Variants in TMEM255B observed in about 807,000 individuals in gnomAD.
The protein encoded by TMEM255B is family with sequence similarity 70, member B.
Under a neutral mutation model 34.5 loss-of-function variants are expected in TMEM255B, and 35 were observed. That is an observed-to-expected ratio of 1.01 (90% CI 0.77 to 1.34). The LOEUF is 1.34. Among genes scored for constraint, TMEM255B ranks in the 40% most tolerant of loss-of-function variants. The pLI is 0.00. For missense variants in TMEM255B, 432 were observed against 433.2 expected (o/e 1.00, Z 0.02); for synonymous variants, 206 against 201.2 (o/e 1.02, Z -0.20).
chr13:113,800,124 G>T, intron 5 of TMEM255B: 1 of 1,144,144 alleles, frequency 8.7e-7, no homozygotes, highest in Non-Finnish European at 1.1e-6. Context: ...GGCGTCCCGT[G>T]TGTGTTTAGG....
intron 3 of TMEM255B, among the ~76,000 whole-genome samples, chr13:113,794,447 C>T (rs768779550): frequency 3.9e-5 from 6 of 152,050 alleles, no homozygotes; most frequent in Non-Finnish European, 8.8e-5. Context: ...CGGGACGGAA[C>T]CAAGCGAGAT....
chr13:113,779,966 G>A (rs2050642240), intron 3 of TMEM255B, among the ~76,000 whole-genome samples: 1 of 152,232 alleles, frequency 6.6e-6, no homozygotes, highest in Admixed American at 6.5e-5. Context: ...TTTGTATACA[G>A]TGCAGCAAGA....
At position 113,812,159 on chromosome 13, in the gene TMEM255B, GCCT is replaced by G; in HGVS notation, c.*264_*266del. 1 of 522,998 alleles carries G rather than the reference GCCT, an allele frequency of 1.9e-6. No individual in the cohort carries two copies. The highest frequency in any genetic ancestry group is 3.3e-6 in the Non-Finnish European group (1 of 299,942). The allele number at this position is 522,998 out of a possible 1,614,324, so 32.4% of individuals were successfully genotyped here. A position where few individuals can be genotyped will look rare whatever the true frequency, so the allele number is the denominator to read the frequency against. On this transcript the variant is annotated 3_prime_UTR_variant, in exon 9 of 9. Coordinates refer to ENST00000375353, the MANE Select transcript of TMEM255B (RefSeq NM_182614.4). ...AAATGGCGCTGAAAGTTCCCACCCG[GCCT>G]CCTCCTCTGAGAGCAATTGTTCTGG...
At chr13:113,804,644 CGGGCCGGGGTT>C (rs2051131436) in intron 7 of TMEM255B, among the ~76,000 whole-genome samples, 1 of 141,564 alleles carries the variant, frequency 7.1e-6, no homozygotes, top group Admixed American at 7.2e-5. Context: ...AAACGCACGC[CGGGCCGGGGTT>C]AGCTCCAGCC....
intron 4 of TMEM255B, among the ~76,000 whole-genome samples, chr13:113,799,105 G>A (rs933792961): frequency 6.6e-6 from 1 of 152,186 alleles, no homozygotes; most frequent in African/African-American, 2.4e-5. Flanking sequence ...TGCATGGCCC[G>A]AGGTACCCTC....
At chr13:113,772,357 AT>A (rs2050492550) in intron 3 of TMEM255B, among the ~76,000 whole-genome samples, 1 of 151,938 alleles carries the variant, frequency 6.6e-6, no homozygotes, top group Non-Finnish European at 1.5e-5. Context: ...ACTCTAATTT[AT>A]TTTTTCTTTT....
Position 113,811,757 on chromosome 13 carries a change from G to T in TMEM255B, c.835G>T (p.Ala279Ser), listed in dbSNP as rs746290366. Residue 279 changes from alanine (A) to serine (S), a missense_variant, in exon 9 of 9, where the codon GCG (alanine) becomes TCG (serine). Coordinates refer to ENST00000375353, the MANE Select transcript of TMEM255B (RefSeq NM_182614.4). ...GCAGCCCTGCAGCCGCTTCCCAGTT[G>T]CGCCCTCCTCTGCCCTGGCTTCGTC... The part of the protein sequence containing the change: ...PLQPCSRFPV[A>S]PSSALASSED... The T allele has an allele frequency of 5.6e-6, 9 of 1,613,748 alleles. No homozygotes were observed. In the South Asian group the frequency reaches 9.9e-5, roughly 18 times the overall value.
At chr13:113,782,754 G>A (rs149889614) in intron 3 of TMEM255B, among the ~76,000 whole-genome samples, 1,838 of 152,172 alleles carry the variant, frequency 0.012, 42 homozygotes, top group African/African-American at 0.041. Flanking sequence ...AGTGTCCCCA[G>A]AGACCACAGG....
At chr13:113,766,001 G>C in intron 1 of TMEM255B, 114 bp from the exon 2 acceptor site, 1 of 1,398,212 alleles carries the variant, frequency 7.2e-7, no homozygotes. Flanking sequence ...GGAGGCAGGC[G>C]GGGATAGTGC....
At position 113,814,056 on chromosome 13, in the gene TMEM255B, G is replaced by A. The variant is rs6602892; in HGVS notation, c.*2153G>A. 77,758 of 151,828 alleles carry A rather than the reference G, an allele frequency of 0.51. 21,674 individuals carry two copies. Among genetic ancestry groups the A allele is most frequent in the African/African-American group, 0.74 (30,761 of 41,410 alleles). 9.4% of individuals were successfully genotyped at this position (151,828 alleles called of 1,614,324 possible). On this transcript the variant is annotated 3_prime_UTR_variant, in exon 9 of 9. Coordinates refer to ENST00000375353, the MANE Select transcript of TMEM255B (RefSeq NM_182614.4). ...GTGCCACGGATTTCCCGAGTCCCCA[G>A]GGCTCTCACTTTACCTCAGGGAAGG... is the stretch of plus-strand genomic sequence containing the variant.
chr13:113,769,090 G>A lies in TMEM255B; in HGVS notation c.190-8G>A. ...AGTGTTTCTCTCTCGTTCTTCCTTT[G>A]GTTTTAGCTCGGCTTTGGATCTTTC... On this transcript the variant is annotated splice_polypyrimidine_tract_variant and splice_region_variant and intron_variant, in intron 2 of 8. Transcript: ENST00000375353. The surrounding 1 kb of genome is among the most constrained non-coding windows in gnomAD (Gnocchi z 4.2). 6.2e-7 allele frequency: 1 copy of A among 1,614,094 alleles called. No individual in the cohort carries two copies. Among genetic ancestry groups the A allele is most frequent in the Non-Finnish European group, 8.5e-7 (1 of 1,179,954 alleles).
chr13:113,770,604 C>T lies in TMEM255B; in HGVS notation c.252+1444C>T, dbSNP rs1291976994. Among the ~76,000 whole-genome samples, 1 of 152,166 alleles carries T rather than the reference C, an allele frequency of 6.6e-6. No homozygotes were observed. The highest frequency in any genetic ancestry group is 1.5e-5 in the Non-Finnish European group (1 of 68,024). On this transcript the variant is annotated intron_variant, in intron 3 of 8. Transcript: ENST00000375353. The surrounding 1 kb of genome is among the most constrained non-coding windows in gnomAD (Gnocchi z 4.6). The stretch of plus-strand genomic sequence containing the variant: ...CAGTGTGCACTGCAGGGTGAGCTGC[C>T]GTTCTTGGCTAGCAGTTGCAAAGAG...
At chr13:113,764,445 G>A (rs1316038369) in intron 1 of TMEM255B, among the ~76,000 whole-genome samples, 2 of 152,190 alleles carry the variant, frequency 1.3e-5, no homozygotes, top group Non-Finnish European at 2.9e-5. Flanking sequence ...TGCGGCCTCT[G>A]GTGTCTCAGG....
At chr13:113,777,334 T>G (rs1451858915) in intron 3 of TMEM255B, among the ~76,000 whole-genome samples, 2 of 152,232 alleles carry the variant, frequency 1.3e-5, no homozygotes, top group African/African-American at 4.8e-5. Context: ...CACCTGGATT[T>G]GAACCCAGAC....
At chr13:113,796,008 C>T (rs2050924047) in intron 4 of TMEM255B, among the ~76,000 whole-genome samples, 1 of 146,062 alleles carries the variant, frequency 6.8e-6, no homozygotes, top group Non-Finnish European at 1.5e-5. Flanking sequence ...ACACAACACA[C>T]AGAGCACACA....
At chr13:113,797,409 G>C (rs1396778577) in intron 4 of TMEM255B, among the ~76,000 whole-genome samples, 6 of 152,246 alleles carry the variant, frequency 3.9e-5, no homozygotes, top group African/African-American at 1.4e-4. Context: ...TGTTGAGAGA[G>C]GCCGAGGACA....
intron 4 of TMEM255B, 102 bp downstream of exon 4, chr13:113,795,339 C>A: frequency 8.1e-7 from 1 of 1,233,056 alleles, no homozygotes; most frequent in Non-Finnish European, 1.1e-6. Flanking sequence ...CAGACGGCTT[C>A]ACCGTCAGTC....
At chr13:113,793,883 G>A (rs951798855) in intron 3 of TMEM255B, among the ~76,000 whole-genome samples, 13 of 152,212 alleles carry the variant, frequency 8.5e-5, no homozygotes, top group African/African-American at 9.6e-5. Context: ...AGGGGCAGGC[G>A]GCCACCACTG....
At chr13:113,761,197 G>C in intron 1 of TMEM255B, 2 of 985,366 alleles carry the variant, frequency 2.0e-6, no homozygotes, top group South Asian at 9.4e-5. Flanking sequence ...GGCGTTCCAG[G>C]TCCGGCTGGC....
Sources: allele counts gnomAD v4.1 joint callset (sites outside exome capture counted in the v4.1 genomes callset), GRCh38; gene constraint gnomAD v4.1.1; non-coding constraint Gnocchi (gnomAD v3.1); transcripts MANE v1.5; gene names NCBI Gene and HGNC (gene_info 2026-07-23, HGNC 2026-07-21).